The following PEAR1 variants were observed in gnomAD, a reference collection of about 807,000 sequenced individuals.
The protein encoded by PEAR1 is platelet endothelial aggregation receptor 1, also known as multiple EGF-like domains protein 12.
PEAR1 carries 113 observed loss-of-function variants against 131.2 expected under a neutral mutation model. The ratio of observed to expected loss-of-function variants is 0.86; its 90% CI spans 0.74 to 1.01. The LOEUF (loss-of-function observed/expected upper bound fraction) is 1.01, where lower values mean the gene tolerates loss of function less well. PEAR1 is among the 50% of genes least tolerant of loss of function. The pLI is 0.00. For synonymous variants in PEAR1, 565 were observed against 523.3 expected (o/e 1.08, Z -1.09); for missense variants, 1,408 against 1,391.1 (o/e 1.01, Z -0.19).
At chr1:156,898,578 G>C (rs923110100) in intron 1 of PEAR1, among the ~76,000 whole-genome samples, 1 of 152,294 alleles carries the variant, frequency 6.6e-6, no homozygotes, top group South Asian at 2.1e-4. Context: ...GGAGGGAGGG[G>C]AGAAGTCTTT....
chr1:156,901,957 G>T (rs1158865355), intron 1 of PEAR1, among the ~76,000 whole-genome samples: 1 of 152,228 alleles, frequency 6.6e-6, no homozygotes, highest in Admixed American at 6.5e-5. Context: ...TGTGGGGGTG[G>T]AGCTCTGGGA....
chr1:156,894,416 G>T (rs1333736110), intron 1 of PEAR1, among the ~76,000 whole-genome samples: 3 of 152,226 alleles, frequency 2.0e-5, no homozygotes, highest in Non-Finnish European at 4.4e-5. Flanking sequence ...TTTGAATGAC[G>T]CTAGATAAAC....
chr1:156,900,085 T>C (rs893949477), intron 1 of PEAR1, among the ~76,000 whole-genome samples: 5 of 152,074 alleles, frequency 3.3e-5, no homozygotes, highest in African/African-American at 1.2e-4. Flanking sequence ...GGGAACCAGC[T>C]GAGCTGGAGT....
chr1:156,908,746 G>C lies in PEAR1; in HGVS notation c.1207G>C (p.Gly403Arg). Residue 403 changes from glycine (G) to arginine (R), a missense_variant, in exon 10 of 23, where the codon GGG (glycine) becomes CGG (arginine). By Grantham distance (125) the Gly-to-Arg change is moderately radical. Transcript: ENST00000292357. The surrounding 1 kb of genome is among the most constrained non-coding windows in gnomAD (Gnocchi z 4.2). ...ESCPQDTHGP[G>R]CQEHCLCLHG... ...CTGCCCGCAGGACACGCATGGGCCA[G>C]GGTGCCAGGAGCACTGTCTCTGCCT... 1 of 1,576,624 alleles carries C rather than the reference G, an allele frequency of 6.3e-7. No homozygotes were observed. The highest frequency in any genetic ancestry group is 1.1e-5 in the South Asian group (1 of 87,908).
chr1:156,908,587 G>A lies in PEAR1; in HGVS notation c.1116-68G>A. On this transcript the variant is annotated intron_variant, in intron 9 of 22. Transcript: ENST00000292357. This position sits in a 1 kb window ranked among gnomAD's most constrained non-coding sequence, Gnocchi z 4.2. The stretch of plus-strand genomic sequence containing the variant: ...ATGTGCGAATCCCACTGACCACGCG[G>A]AGGGGTCGGGAAGCTGCCCTGCCCC... The A allele has an allele frequency of 7.1e-7, 1 of 1,407,684 alleles. No homozygotes were observed. Among genetic ancestry groups the A allele is most frequent in the Non-Finnish European group, 9.4e-7 (1 of 1,062,266 alleles). The allele number at this position is 1,407,684 out of a possible 1,614,324, so 87.2% of individuals were successfully genotyped here. A position where few individuals can be genotyped will look rare whatever the true frequency, so the allele number is the denominator to read the frequency against.
intron 1 of PEAR1, among the ~76,000 whole-genome samples, chr1:156,900,161 G>A (rs1180361642): frequency 6.6e-6 from 1 of 152,140 alleles, no homozygotes; most frequent in African/African-American, 2.4e-5. Flanking sequence ...GGGCAGGGAT[G>A]CTGGGCTGCG....
intron 1 of PEAR1, among the ~76,000 whole-genome samples, chr1:156,900,601 C>T (rs1168259077): frequency 6.6e-6 from 1 of 152,116 alleles, no homozygotes; most frequent in Non-Finnish European, 1.5e-5. Flanking sequence ...ATGTGATGAT[C>T]CACGTAAATC....
At chr1:156,913,581 G>T (rs1248310267) in intron 20 of PEAR1, 58 bp downstream of exon 20, 3 of 1,603,996 alleles carry the variant, frequency 1.9e-6, no homozygotes, top group Non-Finnish European at 2.6e-6. Context: ...CCCAGATGCC[G>T]CGTCTGAGTG....
intron 17 of PEAR1, 70 bp from the exon 18 acceptor site, chr1:156,912,700 C>T: frequency 6.2e-7 from 1 of 1,610,902 alleles, no homozygotes; most frequent in African/African-American, 1.3e-5. Flanking sequence ...GTCCCTACTT[C>T]CCTCCTGAGC....
Position 156,911,065 on chromosome 1 carries a change from C to T in PEAR1, c.1951+322C>T, listed in dbSNP as rs558903248. On this transcript the variant is annotated intron_variant, in intron 15 of 22. Transcript: ENST00000292357. ...TCTTTCTTTCTTTCTTTCTTTCTTT[C>T]TTTCTTTCTTTCTTTCTTTCTTTCT... 1.6e-3 allele frequency among the ~76,000 whole-genome samples: 178 copies of T among 113,362 alleles called. 1 individual carries two copies. Among genetic ancestry groups the T allele is most frequent in the African/African-American group, 7.5e-3 (139 of 18,516 alleles). 74.4% of individuals were successfully genotyped at this position (113,362 alleles called of 152,430 possible).
At position 156,910,460 on chromosome 1, in the gene PEAR1, G is replaced by A. The variant is rs942123163; in HGVS notation, c.1825+80G>A. The A allele has an allele frequency of 7.2e-6, 11 of 1,537,410 alleles. No homozygotes were observed. The Admixed American group carries it at 1.1e-4, about 16-fold the overall frequency. ...CAGCTGCCAGAGCACCCCTCCCCCC[G>A]CGCCCGCCGCCCACCTCTCCCACCT... On this transcript the variant is annotated intron_variant, in intron 14 of 22. Coordinates refer to ENST00000292357, the MANE Select transcript of PEAR1 (RefSeq NM_001080471.3).
At chr1:156,894,540 T>TG (rs1364663749) in intron 1 of PEAR1, among the ~76,000 whole-genome samples, 2 of 152,192 alleles carry the variant, frequency 1.3e-5, no homozygotes, top group African/African-American at 4.8e-5. Flanking sequence ...TTATGAGGAC[T>TG]GGGGGTTCAG....
Position 156,915,606 on chromosome 1 carries a change from C to T in PEAR1, c.*808C>T, listed in dbSNP as rs563281660. 39 of 152,438 alleles carry T rather than the reference C, an allele frequency of 2.6e-4. No homozygotes were observed. Among genetic ancestry groups the T allele is most frequent in the African/African-American group, 8.9e-4 (37 of 41,578 alleles). 9.4% of individuals were successfully genotyped at this position (152,438 alleles called of 1,614,324 possible). On this transcript the variant is annotated 3_prime_UTR_variant, in exon 23 of 23. Coordinates refer to ENST00000292357, the MANE Select transcript of PEAR1 (RefSeq NM_001080471.3). ...CACCTCCTCCTCAGGGAAGTGCCCA[C>T]CCTCCGTACATCTTTCACAGCCCTG...
intron 1 of PEAR1, among the ~76,000 whole-genome samples, chr1:156,898,464 G>A (rs555376310): frequency 2.6e-5 from 4 of 152,322 alleles, no homozygotes; most frequent in Non-Finnish European, 1.5e-5. Context: ...GCCTGGCCCC[G>A]CTGGATATAG....
intron 1 of PEAR1, 77 bp downstream of exon 1, chr1:156,893,914 C>T (rs1247655452): frequency 2.6e-5 from 4 of 152,328 alleles, no homozygotes; most frequent in Non-Finnish European, 5.9e-5. Context: ...GGGGAAAGGG[C>T]TTGCGGTCCC....
chr1:156,907,483 C>G (rs981568592), intron 6 of PEAR1, 127 bp from the exon 7 acceptor site: 1 of 1,446,028 alleles, frequency 6.9e-7, no homozygotes, highest in Non-Finnish European at 9.1e-7. Flanking sequence ...TCGACAGTCC[C>G]CAGCAGGAAA....
intron 6 of PEAR1, among the ~76,000 whole-genome samples, chr1:156,907,369 C>T (rs1043759338): frequency 1.3e-5 from 2 of 152,080 alleles, no homozygotes; most frequent in African/African-American, 2.4e-5. Context: ...GAGGTGGGGG[C>T]GCCCGAGAGG....
chr1:156,905,358 A>C lies in PEAR1; in HGVS notation c.241A>C (p.Lys81Gln), dbSNP rs1409616315. The change falls in exon 4 of 23, where the codon AAG becomes CAG. Residue 81 changes from lysine (K) to glutamine (Q), a missense_variant. Lys to Gln is a moderately conservative substitution (Grantham distance 53). Transcript: ENST00000292357. ...VYRTVYRQVV[K>Q]TDHRQRLQCC... Reference sequence around the variant, plus strand: ...CCGGACCGTGTACCGTCAGGTGGTGAAGACGGACCACCGCCAGCGCCTGCA... The same window carrying C: ...CCGGACCGTGTACCGTCAGGTGGTGCAGACGGACCACCGCCAGCGCCTGCA... 6.2e-7 allele frequency: 1 copy of C among 1,611,882 alleles called. No homozygotes were observed. The highest frequency in any genetic ancestry group is 8.5e-7 in the Non-Finnish European group (1 of 1,179,354).
chr1:156,899,430 G>A (rs1431783604), intron 1 of PEAR1, among the ~76,000 whole-genome samples: 1 of 152,114 alleles, frequency 6.6e-6, no homozygotes. Context: ...CCATCGTTTT[G>A]GGGGATCAGG....
Sources: allele counts gnomAD v4.1 joint callset (sites outside exome capture counted in the v4.1 genomes callset), GRCh38; gene constraint gnomAD v4.1.1; non-coding constraint Gnocchi (gnomAD v3.1); transcripts MANE v1.5; gene names NCBI Gene and HGNC (gene_info 2026-07-23, HGNC 2026-07-21).